EPHB2: variants seen among roughly 807,000 people sequenced by gnomAD.
EPHB2 encodes the protein ephrin type-B receptor 2.
Under a neutral mutation model 96.4 loss-of-function variants are expected in EPHB2, and 18 were observed. The observed-to-expected ratio is 0.19, with a 90% CI of 0.13 to 0.28. The LOEUF (loss-of-function observed/expected upper bound fraction) is 0.28, where lower values mean the gene tolerates loss of function less well. Ranked by LOEUF, EPHB2 falls within the 10% of genes least tolerant of loss-of-function variation. The pLI is 1.00. For missense variants in EPHB2, 989 were observed against 1,355.4 expected (o/e 0.73, Z 4.25); for synonymous variants, 506 against 534.1 (o/e 0.95, Z 0.72).
chr1:22,825,516 C>CT (rs1158325329), intron 3 of EPHB2, among the ~76,000 whole-genome samples: 8 of 152,190 alleles, frequency 5.3e-5, no homozygotes, highest in African/African-American at 1.9e-4. Flanking sequence ...ACCTTCAAGT[C>CT]TCTCACCCTC....
At chr1:22,769,556 C>T (rs1408233303) in intron 1 of EPHB2, among the ~76,000 whole-genome samples, 1 of 152,078 alleles carries the variant, frequency 6.6e-6, no homozygotes, top group African/African-American at 2.4e-5. Flanking sequence ...TACAGACATG[C>T]ACCACCACAC....
intron 1 of EPHB2, among the ~76,000 whole-genome samples, chr1:22,725,500 T>TC (rs971037391): frequency 6.6e-6 from 1 of 151,828 alleles, no homozygotes; most frequent in Non-Finnish European, 1.5e-5. Context: ...AGTGCATTTC[T>TC]CCCCCCGAGA....
intron 2 of EPHB2, among the ~76,000 whole-genome samples, chr1:22,782,422 C>G (rs1339730360): frequency 7.3e-6 from 1 of 137,456 alleles, no homozygotes; most frequent in East Asian, 2.6e-4. Flanking sequence ...CCCAGTTCCT[C>G]CGCTGGGACT....
intron 3 of EPHB2, among the ~76,000 whole-genome samples, chr1:22,853,516 A>G (rs1171958644): frequency 6.6e-6 from 1 of 152,236 alleles, no homozygotes; most frequent in Non-Finnish European, 1.5e-5. Context: ...TGGAGCACAG[A>G]AGAGCACCCC....
At chr1:22,738,883 G>T (rs1026389520) in intron 1 of EPHB2, among the ~76,000 whole-genome samples, 6 of 152,154 alleles carry the variant, frequency 3.9e-5, no homozygotes, top group Non-Finnish European at 7.4e-5. Flanking sequence ...GTCCTTGAAC[G>T]GTTTGGACCT....
rs76487715 is a variant in EPHB2, at chr1:22,862,976, C to T, written c.812-61C>T. On this transcript the variant is annotated intron_variant, in intron 3 of 15. Transcript: ENST00000374630. The stretch of plus-strand genomic sequence containing the variant: ...GTGGCCCCTCCGTGAGGCTGCGTGG[C>T]TCGTGACCTCTCTGAGTCTTCATCC... The T allele has an allele frequency of 2.6e-3, 4,265 of 1,611,034 alleles. 105 individuals are homozygous for T. In the African/African-American group the frequency reaches 0.05, roughly 19 times the overall value.
intron 6 of EPHB2, among the ~76,000 whole-genome samples, chr1:22,889,066 G>A (rs974045566): frequency 6.6e-6 from 1 of 152,090 alleles, no homozygotes; most frequent in Non-Finnish European, 1.5e-5. Flanking sequence ...GAGGTGGGAG[G>A]ATCGCTTGTG....
In EPHB2 at chr1:22,721,145, G is replaced by A. The variant is rs917508076; in HGVS notation, c.61+10102G>A. 5.9e-5 allele frequency among the ~76,000 whole-genome samples: 9 copies of A among 152,250 alleles called. No individual in the cohort carries two copies. The South Asian group carries it at 1.7e-3, about 28-fold the overall frequency. On this transcript the variant is annotated intron_variant, in intron 1 of 15. Coordinates refer to ENST00000374630, the MANE Select transcript of EPHB2 (RefSeq NM_017449.5). ...GGAGTGGGGAAGCATTAGAGGAAAA[G>A]AAAAAATTCTAAAGGCATGGGCCAG...
intron 6 of EPHB2, among the ~76,000 whole-genome samples, chr1:22,886,460 A>G (rs1639227951): frequency 6.6e-6 from 1 of 152,050 alleles, no homozygotes; most frequent in Non-Finnish European, 1.5e-5. Flanking sequence ...AGATTCCTTT[A>G]AAGATCCCTG....
chr1:22,717,163 G>T (rs1643315627), intron 1 of EPHB2, among the ~76,000 whole-genome samples: 1 of 152,218 alleles, frequency 6.6e-6, no homozygotes, highest in African/African-American at 2.4e-5. Context: ...CCTGGCTGCC[G>T]CTGGCTCGTG....
At chr1:22,741,677 A>C (rs1643903830) in intron 1 of EPHB2, among the ~76,000 whole-genome samples, 1 of 139,984 alleles carries the variant, frequency 7.1e-6, no homozygotes, top group African/African-American at 2.7e-5. Flanking sequence ...TTTTCTTCCC[A>C]GCAAAAAAAA....
chr1:22,908,221 A>G, intron 12 of EPHB2, 53 bp downstream of exon 12: 3 of 1,601,324 alleles, frequency 1.9e-6, no homozygotes, highest in Non-Finnish European at 2.6e-6. Flanking sequence ...AGAGGGCATG[A>G]GTGTCCATCT....
At position 22,864,880 on chromosome 1, in the gene EPHB2, T is replaced by C; in HGVS notation, c.971T>C (p.Ile324Thr). The C allele has an allele frequency of 1.5e-6, 2 of 1,354,304 alleles. No individual in the cohort carries two copies. Among genetic ancestry groups the C allele is most frequent in the Admixed American group, 1.9e-5 (1 of 53,292 alleles). 83.9% of individuals were successfully genotyped at this position (1,354,304 alleles called of 1,614,324 possible). The part of the protein sequence containing the change: ...LDPLDMPCTT[I>T]PSAPQAVISS... ...CAACACCTCTCCCCCGCCCCAGCCATCCCCTCCGCGCCCCAGGCTGTGATT... is the reference window on the plus strand; with the variant it reads ...CAACACCTCTCCCCCGCCCCAGCCACCCCCTCCGCGCCCCAGGCTGTGATT... Residue 324 changes from isoleucine (I) to threonine (T), a missense_variant, in exon 5 of 16, where the codon ATC becomes ACC. By Grantham distance (89) the Ile-to-Thr change is moderately conservative. Coordinates refer to ENST00000374630, the MANE Select transcript of EPHB2 (RefSeq NM_017449.5).
intron 1 of EPHB2, among the ~76,000 whole-genome samples, chr1:22,747,438 A>G (rs1557650605): frequency 1.3e-5 from 2 of 152,230 alleles, no homozygotes; most frequent in Admixed American, 6.5e-5. Flanking sequence ...CAGACCAACT[A>G]GGCTGTTCCA....
Position 22,784,985 on chromosome 1 carries a change from C to T in EPHB2, c.720C>T (p.Tyr240=), listed in dbSNP as rs2148425411. The change falls in exon 3 of 16, where the codon TAC becomes TAT. Residue 240 remains tyrosine, a synonymous_variant. Coordinates refer to ENST00000374630, the MANE Select transcript of EPHB2 (RefSeq NM_017449.5). This position sits in a 1 kb window ranked among gnomAD's most constrained non-coding sequence, Gnocchi z 5.1. The stretch of plus-strand genomic sequence containing the variant: ...AGGTGGATGTACCCATCAAGCTCTA[C>T]TGTAACGGGGACGGCGAGTGGCTGG... ...AEEVDVPIKL[Y]CNGDGEWLVP... 6.2e-7 allele frequency: 1 copy of T among 1,614,078 alleles called. No homozygotes were observed. The highest frequency in any genetic ancestry group is 2.2e-5 in the East Asian group (1 of 44,886).
In EPHB2 at chr1:22,917,176, A is replaced by G. The variant is rs1334269117; in HGVS notation, c.*3606A>G. ...TCTAGTTGGTCCCCACCCTGCCACC[A>G]TCTAGGGGCTTCTCTGCCACCACCT... On this transcript the variant is annotated 3_prime_UTR_variant, in exon 16 of 16. Coordinates refer to ENST00000374630, the MANE Select transcript of EPHB2 (RefSeq NM_017449.5). The G allele has an allele frequency of 6.6e-6, 1 of 152,198 alleles. No individual in the cohort carries two copies. The highest frequency in any genetic ancestry group is 1.9e-4 in the East Asian group (1 of 5,170). 9.4% of individuals were successfully genotyped at this position (152,198 alleles called of 1,614,324 possible). A position where few individuals can be genotyped will look rare whatever the true frequency, so the allele number is the denominator to read the frequency against.
At chr1:22,724,925 C>T (rs1379879412) in intron 1 of EPHB2, among the ~76,000 whole-genome samples, 3 of 152,106 alleles carry the variant, frequency 2.0e-5, no homozygotes, top group Admixed American at 6.5e-5. Context: ...CCTGGGTACC[C>T]TTTTCACCAT....
At position 22,913,586 on chromosome 1, in the gene EPHB2, G is replaced by A; in HGVS notation, c.*16G>A. 1 of 1,613,898 alleles carries A rather than the reference G, an allele frequency of 6.2e-7. No individual in the cohort carries two copies. The highest frequency in any genetic ancestry group is 8.5e-7 in the Non-Finnish European group (1 of 1,179,952). ...GGAGGTTTGACATTCACCTGCCTCG[G>A]CTCACCTCTTCCTCCAAGCCCCGCC... On this transcript the variant is annotated 3_prime_UTR_variant, in exon 16 of 16. Coordinates refer to ENST00000374630, the MANE Select transcript of EPHB2 (RefSeq NM_017449.5). This position sits in a 1 kb window ranked among gnomAD's most constrained non-coding sequence, Gnocchi z 4.1.
chr1:22,758,154 G>A (rs182350232), intron 1 of EPHB2, among the ~76,000 whole-genome samples: 12 of 147,186 alleles, frequency 8.2e-5, no homozygotes, highest in Admixed American at 4.1e-4. Context: ...TCCTGACCTC[G>A]TGATCCGCCC....
Sources: allele counts gnomAD v4.1 joint callset (sites outside exome capture counted in the v4.1 genomes callset), GRCh38; gene constraint gnomAD v4.1.1; non-coding constraint Gnocchi (gnomAD v3.1); transcripts MANE v1.5; gene names NCBI Gene and HGNC (gene_info 2026-07-23, HGNC 2026-07-21).